GALNTL6: variants seen among roughly 807,000 people sequenced by gnomAD.
The protein encoded by GALNTL6 is polypeptide N-acetylgalactosaminyltransferase like 6.
GALNTL6 carries 46 observed loss-of-function variants against 73.7 expected under a neutral mutation model. The observed-to-expected ratio is 0.62, with a 90% confidence interval of 0.49 to 0.80. The LOEUF (loss-of-function observed/expected upper bound fraction) is 0.80. GALNTL6 is among the 30% of genes least tolerant of loss of function. The pLI, the probability that GALNTL6 is intolerant of heterozygous loss-of-function variation, is 0.00. For synonymous variants in GALNTL6, 259 were observed against 263.7 expected (o/e 0.98, Z 0.17); for missense variants, 604 against 755.0 (o/e 0.80, Z 2.34).
At chr4:172,105,214 A>G (rs1380641339) in intron 2 of GALNTL6, among the ~76,000 whole-genome samples, 1 of 152,120 alleles carries the variant, frequency 6.6e-6, no homozygotes, top group Non-Finnish European at 1.5e-5. Flanking sequence ...AAATAAAAAA[A>G]GAACATATGA....
At chr4:172,917,036 T>C (rs553274798) in intron 8 of GALNTL6, among the ~76,000 whole-genome samples, 1 of 151,966 alleles carries the variant, frequency 6.6e-6, no homozygotes, top group Admixed American at 6.6e-5. Flanking sequence ...CATGGTACTG[T>C]TACCAAAACA....
intron 7 of GALNTL6, among the ~76,000 whole-genome samples, chr4:172,848,635 G>A (rs1743643208): frequency 1.3e-5 from 2 of 152,166 alleles, no homozygotes; most frequent in Admixed American, 6.6e-5. Flanking sequence ...GTCTGGCACA[G>A]CCAAGAGAGT....
At chr4:172,167,342 G>A (rs1272892362) in intron 2 of GALNTL6, among the ~76,000 whole-genome samples, 1 of 152,132 alleles carries the variant, frequency 6.6e-6, no homozygotes, top group Non-Finnish European at 1.5e-5. Flanking sequence ...CCAAAGGCAT[G>A]TATAATAATT....
chr4:172,639,247 A>G (rs951372708), intron 5 of GALNTL6, among the ~76,000 whole-genome samples: 3 of 152,102 alleles, frequency 2.0e-5, no homozygotes, highest in African/African-American at 7.2e-5. Context: ...ACGTTTGCCA[A>G]CTGGTGATCC....
At position 172,952,085 on chromosome 4, in the gene GALNTL6, A is replaced by ATT. The variant is rs747244591; in HGVS notation, c.1200_1201dup (p.Tyr401PhefsTer79). The ATT allele has an allele frequency of 7.4e-6, 12 of 1,614,098 alleles. No homozygotes were observed. The Admixed American group carries it at 1.7e-4, about 22-fold the overall frequency. On this transcript the variant is annotated frameshift_variant, in exon 10 of 13. Transcript: ENST00000506823. LOFTEE classifies it high-confidence loss of function. ...CTGGATGGATGAATTTGCCGAGTAC[A>ATT]TTTACCAGCGGCGGCCGGAGTACAG... is the stretch of plus-strand genomic sequence containing the variant.
At chr4:172,168,817 T>G (rs1434064570) in intron 2 of GALNTL6, among the ~76,000 whole-genome samples, 1 of 152,206 alleles carries the variant, frequency 6.6e-6, no homozygotes, top group African/African-American at 2.4e-5. Context: ...GTAAACCTAG[T>G]TATGCCTACA....
At chr4:172,683,882 G>A (rs954442551) in intron 5 of GALNTL6, among the ~76,000 whole-genome samples, 10 of 152,082 alleles carry the variant, frequency 6.6e-5, no homozygotes, top group African/African-American at 2.4e-4. Context: ...TAGCTTTTTC[G>A]TGTTAGCAGT....
chr4:172,195,284 TAAAAC>T (rs1735722164), intron 2 of GALNTL6, among the ~76,000 whole-genome samples: 1 of 152,104 alleles, frequency 6.6e-6, no homozygotes, highest in Non-Finnish European at 1.5e-5. Flanking sequence ...CCCAGATTCA[TAAAAC>T]AAATTCTTAG....
chr4:172,254,115 A>G (rs892027863), intron 3 of GALNTL6, among the ~76,000 whole-genome samples: 1 of 151,788 alleles, frequency 6.6e-6, no homozygotes, highest in Non-Finnish European at 1.5e-5. Flanking sequence ...TTTTGATAAG[A>G]AATCAACATT....
chr4:171,836,119 G>C (rs115952342), intron 2 of GALNTL6, among the ~76,000 whole-genome samples: 2,130 of 152,098 alleles, frequency 0.014, 46 homozygotes, highest in African/African-American at 0.048. Context: ...CTTTCTCCTA[G>C]CATCCTTTAG....
intron 2 of GALNTL6, among the ~76,000 whole-genome samples, chr4:172,079,353 C>G (rs1731806949): frequency 6.6e-6 from 1 of 151,850 alleles, no homozygotes; most frequent in Non-Finnish European, 1.5e-5. Context: ...CTTATTTAAC[C>G]AAGCCTGTAT....
intron 2 of GALNTL6, among the ~76,000 whole-genome samples, chr4:172,188,531 T>A (rs899768787): frequency 2.6e-5 from 4 of 151,798 alleles, no homozygotes; most frequent in African/African-American, 9.7e-5. Context: ...GAGGAGAGAG[T>A]CATGGGGACG....
chr4:172,318,493 G>A (rs558153635), intron 4 of GALNTL6, among the ~76,000 whole-genome samples: 99 of 151,878 alleles, frequency 6.5e-4, no homozygotes, highest in South Asian at 1.2e-3. Flanking sequence ...ATGAGGTCAG[G>A]GGTTCGAGAC....
intron 7 of GALNTL6, among the ~76,000 whole-genome samples, chr4:172,824,930 A>G (rs1489768517): frequency 6.6e-6 from 1 of 152,204 alleles, no homozygotes; most frequent in African/African-American, 2.4e-5. Context: ...ATTTGGATCT[A>G]AGCTCAGTAT....
intron 7 of GALNTL6, among the ~76,000 whole-genome samples, chr4:172,866,968 G>T (rs1441521143): frequency 6.6e-6 from 1 of 152,154 alleles, no homozygotes; most frequent in African/African-American, 2.4e-5. Context: ...CCTCAGAGAG[G>T]ATATAGGTTA....
chr4:172,363,075 C>T (rs183565433), intron 5 of GALNTL6, among the ~76,000 whole-genome samples: 68 of 152,218 alleles, frequency 4.5e-4, no homozygotes, highest in Non-Finnish European at 7.9e-4. Flanking sequence ...TGTCAAAGTC[C>T]ACCCTCCCTG....
intron 4 of GALNTL6, among the ~76,000 whole-genome samples, chr4:172,312,258 T>C (rs1397920467): frequency 6.6e-6 from 1 of 152,194 alleles, no homozygotes; most frequent in Non-Finnish European, 1.5e-5. Flanking sequence ...TATGAACTGC[T>C]TGTGGCTTGT....
intron 4 of GALNTL6, among the ~76,000 whole-genome samples, chr4:172,318,470 AG>A (rs1337644870): frequency 1.3e-5 from 2 of 152,092 alleles, no homozygotes; most frequent in African/African-American, 4.8e-5. Context: ...TGGGAGGCTG[AG>A]GCAGGTGGAT....
At chr4:172,106,086 A>G (rs1303400778) in intron 2 of GALNTL6, among the ~76,000 whole-genome samples, 2 of 152,316 alleles carry the variant, frequency 1.3e-5, no homozygotes, top group East Asian at 1.9e-4. Context: ...TGTGACTAAG[A>G]AACCTCTACA....
Sources: allele counts gnomAD v4.1 joint callset (sites outside exome capture counted in the v4.1 genomes callset), GRCh38; gene constraint gnomAD v4.1.1; transcripts MANE v1.5; gene names NCBI Gene and HGNC (gene_info 2026-07-23, HGNC 2026-07-21).